Variants in KLHL25 observed in about 807,000 individuals in gnomAD.
KLHL25 encodes the protein kelch-like protein 25.
In KLHL25, 41 loss-of-function variants were observed where a neutral mutation model predicts 30.0. The ratio of observed to expected loss-of-function variants is 1.37; its 90% CI spans 1.07 to 1.78. The LOEUF (loss-of-function observed/expected upper bound fraction) is 1.78. KLHL25 is among the 40% of genes most tolerant of loss of function. The pLI is 0.00. For synonymous variants in KLHL25, 399 were observed against 355.3 expected, an observed-to-expected ratio of 1.12 and a Z score of -1.38; for missense variants, 971 against 824.5, an observed-to-expected ratio of 1.18 and a Z score of -2.18.
chr15:85,768,281 G>C lies in KLHL25; in HGVS notation c.1530C>G (p.Arg510=). ...DTEFTAASAY[R]FDCETNQWTR... ...TCCACTGGTTGGTCTCACAGTCAAA[G>C]CGGTAGGCCGAGGCGGCTGTGAATT... Residue 510 remains arginine, a synonymous_variant, in exon 2 of 3, where the codon CGC becomes CGG. Coordinates refer to ENST00000337975, the MANE Select transcript of KLHL25 (RefSeq NM_022480.4). 6.2e-7 allele frequency: 1 copy of C among 1,614,134 alleles called. No homozygotes were observed. The highest frequency in any genetic ancestry group is 8.5e-7 in the Non-Finnish European group (1 of 1,180,036).
chr15:85,762,120 G>C (rs540272730), intron 2 of KLHL25: 1 of 152,286 alleles, frequency 6.6e-6, no homozygotes, highest in Admixed American at 6.5e-5. Flanking sequence ...TGGGTTCGGC[G>C]ACTGAGAAGG....
Position 85,768,994 on chromosome 15 carries a change from T to C in KLHL25, c.817A>G (p.Lys273Glu). Residue 273 changes from lysine to glutamate, a missense_variant, in exon 2 of 3, where the codon AAG (lysine) becomes GAG (glutamate). Physicochemically the swap from Lys to Glu is moderately conservative, Grantham distance 56. Coordinates refer to ENST00000337975, the MANE Select transcript of KLHL25 (RefSeq NM_022480.4). Reference sequence around the variant, plus strand: ...CCATCATTCTGCAGGATCCTGGTCTTGCAGCGCAGGGCCTCATCCATGATA... The same window carrying C: ...CCATCATTCTGCAGGATCCTGGTCTCGCAGCGCAGGGCCTCATCCATGATA... Reference protein sequence around the residue: ...KLIMDEALRCKTRILQNDGVV... With the variant: ...KLIMDEALRCETRILQNDGVV... The C allele has an allele frequency of 6.2e-7, 1 of 1,612,502 alleles. No individual in the cohort carries two copies. Among genetic ancestry groups the C allele is most frequent in the Non-Finnish European group, 8.5e-7 (1 of 1,179,980 alleles).
intron 1 of KLHL25, among the ~76,000 whole-genome samples, chr15:85,790,251 G>C (rs777749982): frequency 3.3e-5 from 5 of 152,200 alleles, no homozygotes; most frequent in Non-Finnish European, 7.3e-5. Context: ...ACCACACCCA[G>C]CTAATTTCGT....
rs139382084 is a variant in KLHL25 at position 85,768,838 on chromosome 15, C to T, written c.973G>A (p.Asp325Asn). The change falls in exon 2 of 3, where the codon GAC becomes AAC. Residue 325 changes from aspartate (D) to asparagine (N), a missense_variant. Coordinates refer to ENST00000337975, the MANE Select transcript of KLHL25 (RefSeq NM_022480.4). ...AACTCCTTCCGGGGGCTGGGCAGGT[C>T]GGCCTTGGGGATGATCTCCTTGGCC... is the stretch of plus-strand genomic sequence containing the variant. ...HKAKEIIPKA[D>N]LPSPRKEFSA... 1.4e-4 allele frequency: 221 copies of T among 1,613,362 alleles called. No homozygotes were observed. The highest frequency in any genetic ancestry group is 1.7e-4 in the Non-Finnish European group (197 of 1,180,042).
intron 1 of KLHL25, among the ~76,000 whole-genome samples, chr15:85,783,646 C>T (rs974316278): frequency 6.7e-6 from 1 of 149,240 alleles, no homozygotes; most frequent in Non-Finnish European, 1.5e-5. Flanking sequence ...GAGCTGAGAT[C>T]GCACCACTGC....
At chr15:85,770,547 G>A in intron 1 of KLHL25, 1 of 534,192 alleles carries the variant, frequency 1.9e-6, no homozygotes, top group South Asian at 1.4e-5. Context: ...CTGAATCCAG[G>A]TGTCTCCACA....
intron 1 of KLHL25, among the ~76,000 whole-genome samples, chr15:85,781,685 T>C (rs1329098566): frequency 1.3e-5 from 2 of 152,120 alleles, no homozygotes; most frequent in African/African-American, 4.8e-5. Context: ...GGTTTCACCA[T>C]GTTGGCCAGG....
intron 1 of KLHL25, among the ~76,000 whole-genome samples, chr15:85,776,053 G>C (rs1349109124): frequency 6.6e-6 from 1 of 151,282 alleles, no homozygotes; most frequent in Non-Finnish European, 1.5e-5. Context: ...TGTGCCTGTA[G>C]TCCCAGCTAC....
Position 85,768,114 on chromosome 15 carries a change from T to C in KLHL25, c.1697A>G (p.Asn566Ser), listed in dbSNP as rs746925231. ...TGAGTAGGGCACTGTGGTGATGCAG[T>C]TCCATGTATCTGAAGTGGGGTCATA... ...DCYDPTSDTW[N>S]CITTVPYSLI... The change falls in exon 2 of 3, where the codon AAC (asparagine) becomes AGC (serine). Residue 566 changes from asparagine to serine, a missense_variant. Coordinates refer to ENST00000337975, the MANE Select transcript of KLHL25 (RefSeq NM_022480.4). The C allele has an allele frequency of 6.2e-7, 1 of 1,614,196 alleles. No individual in the cohort carries two copies. The highest frequency in any genetic ancestry group is 1.1e-5 in the South Asian group (1 of 91,072).
At chr15:85,766,472 G>A (rs948965062) in intron 2 of KLHL25, among the ~76,000 whole-genome samples, 3 of 152,036 alleles carry the variant, frequency 2.0e-5, no homozygotes, top group South Asian at 2.1e-4. Context: ...CAGGCTGGCC[G>A]GGATACCCTC....
Position 85,789,312 on chromosome 15 carries a change from G to T in KLHL25, c.-11+5454C>A, listed in dbSNP as rs1261924377. ...CCTGCTCAGCCCTGCTTCCCCGTGG[G>T]AGGAGCCATCCAACTGGTCTTGCAG... On this transcript the variant is annotated intron_variant, in intron 1 of 2. Coordinates refer to ENST00000337975, the MANE Select transcript of KLHL25 (RefSeq NM_022480.4). The surrounding 1 kb of genome is among the most constrained non-coding windows in gnomAD (Gnocchi z 4.1). Among the ~76,000 whole-genome samples the T allele has an allele frequency of 6.6e-6, 1 of 152,176 alleles. No individual in the cohort carries two copies. The highest frequency in any genetic ancestry group is 1.5e-5 in the Non-Finnish European group (1 of 68,036).
chr15:85,772,776 G>A (rs894558264), intron 1 of KLHL25, among the ~76,000 whole-genome samples: 2 of 152,220 alleles, frequency 1.3e-5, no homozygotes, highest in African/African-American at 2.4e-5. Flanking sequence ...AACAGTGAGC[G>A]GCAACCCAGG....
intron 1 of KLHL25, among the ~76,000 whole-genome samples, chr15:85,781,672 CG>C (rs1270217572): frequency 6.6e-6 from 1 of 151,964 alleles, no homozygotes; most frequent in Non-Finnish European, 1.5e-5. Flanking sequence ...TTAGTAGAGA[CG>C]GGGTTTCACC....
At chr15:85,771,191 A>G (rs2089668904) in intron 1 of KLHL25, 1 of 148,760 alleles carries the variant, frequency 6.7e-6, no homozygotes, top group African/African-American at 2.5e-5. Context: ...AAATAAAGTG[A>G]ATTAAGCCTG....
rs772155808 is a variant in KLHL25, at chr15:85,769,693, G to T, written c.118C>A (p.Arg40Ser). The change falls in exon 2 of 3, where the codon CGC (arginine) becomes AGC (serine). Residue 40 changes from arginine to serine, a missense_variant. Transcript: ENST00000337975. The part of the protein sequence containing the change: ...DCVLAHLNTL[R>S]KHCMFTDVTL... Reference sequence around the variant, plus strand: ...ACGTCGGTGAACATGCAGTGCTTGCGAAGCGTGTTGAGGTGGGCCAGCACA... The same window carrying T: ...ACGTCGGTGAACATGCAGTGCTTGCTAAGCGTGTTGAGGTGGGCCAGCACA... 2 of 1,613,832 alleles carry T rather than the reference G, an allele frequency of 1.2e-6. No homozygotes were observed. Among genetic ancestry groups the T allele is most frequent in the South Asian group, 1.1e-5 (1 of 91,094 alleles).
intron 1 of KLHL25, among the ~76,000 whole-genome samples, chr15:85,774,979 C>T (rs2089700619): frequency 6.6e-6 from 1 of 151,590 alleles, no homozygotes; most frequent in Non-Finnish European, 1.5e-5. Context: ...CAGGTTCAAG[C>T]AATTCTCCTG....
chr15:85,769,751 G>A lies in KLHL25; in HGVS notation c.60C>T (p.Val20=). 1 of 1,613,570 alleles carries A rather than the reference G, an allele frequency of 6.2e-7. No homozygotes were observed. The highest frequency in any genetic ancestry group is 8.5e-7 in the Non-Finnish European group (1 of 1,180,040). Residue 20 remains valine (V), a synonymous_variant, in exon 2 of 3, where the codon GTC becomes GTT. Transcript: ENST00000337975. ...KSRSSTGSMN[V]TLFHKASHPD... is the part of the protein sequence containing the mutation. Reference sequence around the variant, plus strand: ...GGTGGGAGGCCTTGTGGAAGAGGGTGACGTTCATGGACCCCGTGCTGCTCC... The same window carrying A: ...GGTGGGAGGCCTTGTGGAAGAGGGTAACGTTCATGGACCCCGTGCTGCTCC...
In KLHL25 at chr15:85,759,711, A is replaced by C. The variant is rs1231829891; in HGVS notation, c.*1325T>G. 1.3e-5 allele frequency: 2 copies of C among 152,274 alleles called. No individual in the cohort carries two copies. The highest frequency in any genetic ancestry group is 2.9e-5 in the Non-Finnish European group (2 of 68,096). 9.4% of individuals were successfully genotyped at this position (152,274 alleles called of 1,614,324 possible). A position where few individuals can be genotyped will look rare whatever the true frequency, so the allele number is the denominator to read the frequency against. ...CATGGGGGACACTCGTGGCTGCTTAAGTAACTGGTATGTGCACAGCCCCCT... is the reference window on the plus strand; with the variant it reads ...CATGGGGGACACTCGTGGCTGCTTACGTAACTGGTATGTGCACAGCCCCCT... On this transcript the variant is annotated 3_prime_UTR_variant, in exon 3 of 3. Coordinates refer to ENST00000337975, the MANE Select transcript of KLHL25 (RefSeq NM_022480.4).
chr15:85,774,880 CTT>C (rs71141486), intron 1 of KLHL25, among the ~76,000 whole-genome samples: 6 of 140,458 alleles, frequency 4.3e-5, no homozygotes, highest in Non-Finnish European at 3.1e-5. Context: ...TTTTTCTTTT[CTT>C]TTTTTTTTTT....
Sources: allele counts gnomAD v4.1 joint callset (sites outside exome capture counted in the v4.1 genomes callset), GRCh38; gene constraint gnomAD v4.1.1; non-coding constraint Gnocchi (gnomAD v3.1); transcripts MANE v1.5; gene names NCBI Gene and HGNC (gene_info 2026-07-23, HGNC 2026-07-21).